N4BP2L2: variants seen among roughly 807,000 people sequenced by gnomAD.
N4BP2L2 encodes NEDD4-binding protein 2-like 2.
A neutral mutation model predicts 56.2 loss-of-function variants in N4BP2L2; 50 were observed. The observed-to-expected ratio is 0.89, with a 90% CI of 0.71 to 1.13. N4BP2L2 has a LOEUF of 1.13. Ranked by LOEUF, N4BP2L2 falls within the 50% of genes most tolerant of loss-of-function variation. The pLI is 0.00. For missense variants in N4BP2L2, 689 were observed against 693.8 expected (o/e 0.99, Z 0.08); for synonymous variants, 203 against 223.6 (o/e 0.91, Z 0.82).
At chr13:32,487,804 T>C (rs2086214986) in intron 6 of N4BP2L2, among the ~76,000 whole-genome samples, 1 of 152,212 alleles carries the variant, frequency 6.6e-6, no homozygotes, top group South Asian at 2.1e-4. Context: ...TTGTGAGCAT[T>C]TTTACAAGCT....
intron 5 of N4BP2L2, among the ~76,000 whole-genome samples, chr13:32,518,638 G>A (rs755433011): frequency 1.3e-5 from 2 of 151,938 alleles, no homozygotes; most frequent in African/African-American, 2.4e-5. Flanking sequence ...TAAGGCCAAA[G>A]ATATTATGGC....
intron 1 of N4BP2L2, among the ~76,000 whole-genome samples, chr13:32,538,047 G>T (rs2057003646): frequency 7.2e-6 from 1 of 138,956 alleles, no homozygotes; most frequent in Admixed American, 7.2e-5. Flanking sequence ...ACTCCGCCTG[G>T]GCGACAGAGG....
intron 9 of N4BP2L2, among the ~76,000 whole-genome samples, chr13:32,434,865 G>T (rs766061949): frequency 6.6e-6 from 1 of 152,194 alleles, no homozygotes; most frequent in Non-Finnish European, 1.5e-5. Context: ...TCTGTGAGAA[G>T]ACCCGACAGT....
chr13:32,528,891 C>T (rs1038831992), intron 2 of N4BP2L2, among the ~76,000 whole-genome samples: 22 of 152,266 alleles, frequency 1.4e-4, no homozygotes, highest in African/African-American at 4.8e-4. Context: ...CCTCAATATC[C>T]ATGGGAGATT....
chr13:32,509,310 T>C (rs561096228), downstream of N4BP2L2: 1 of 152,344 alleles, frequency 6.6e-6, no homozygotes, highest in East Asian at 1.9e-4. Context: ...GCTCAATCAG[T>C]AGGTATTCTG....
intron 7 of N4BP2L2, among the ~76,000 whole-genome samples, chr13:32,441,632 C>T (rs1307517449): frequency 1.3e-5 from 2 of 150,092 alleles, no homozygotes; most frequent in East Asian, 2.0e-4. Context: ...TGCAGTGAGC[C>T]GAGATCACAC....
At chr13:32,459,310 CA>C (rs2079561766) in intron 6 of N4BP2L2, among the ~76,000 whole-genome samples, 2 of 151,162 alleles carry the variant, frequency 1.3e-5, no homozygotes, top group East Asian at 3.9e-4. Flanking sequence ...AAACAGAGAT[CA>C]AAAAAAGACA....
Position 32,527,453 on chromosome 13 carries a change from T to TA in N4BP2L2, c.1338dup (p.Asn447Ter). 1 of 1,614,036 alleles carries TA rather than the reference T, an allele frequency of 6.2e-7. No individual in the cohort carries two copies. The highest frequency in any genetic ancestry group is 8.5e-7 in the Non-Finnish European group (1 of 1,179,980). On this transcript the variant is annotated frameshift_variant, in exon 3 of 6. Coordinates refer to ENST00000267068, the Ensembl canonical transcript of N4BP2L2. LOFTEE classifies it high-confidence loss of function. ...TGGGCATCACCAAGTTGATTAACAT[T>TA]ATACCTGTACCCATCTTGATGGTGA...
intron 6 of N4BP2L2, among the ~76,000 whole-genome samples, chr13:32,456,118 C>T (rs1367244374): frequency 6.6e-6 from 1 of 152,152 alleles, no homozygotes; most frequent in African/African-American, 2.4e-5. Flanking sequence ...ATATGCCACC[C>T]AGAGGCCCAA....
At chr13:32,461,307 A>G (rs1190856811) in intron 6 of N4BP2L2, among the ~76,000 whole-genome samples, 1 of 152,200 alleles carries the variant, frequency 6.6e-6, no homozygotes, top group Non-Finnish European at 1.5e-5. Flanking sequence ...CAATGGAAAC[A>G]ATCAACAGGA....
intron 6 of N4BP2L2, among the ~76,000 whole-genome samples, chr13:32,458,798 A>G (rs1007489975): frequency 2.0e-5 from 3 of 152,206 alleles, no homozygotes; most frequent in African/African-American, 7.2e-5. Flanking sequence ...GACCTAACAG[A>G]TATCTACAGA....
exon 6 of N4BP2L2, chr13:32,511,571 C>T (rs2048139171): frequency 6.6e-6 from 1 of 152,166 alleles, no homozygotes; most frequent in Non-Finnish European, 1.5e-5. Context: ...TATCTAAATT[C>T]TACCTAACCC....
In N4BP2L2 at chr13:32,448,874, T is replaced by C. The variant is rs2077431846; in HGVS notation, c.366-4748A>G. Among the ~76,000 whole-genome samples, 5 of 152,230 alleles carry C rather than the reference T, an allele frequency of 3.3e-5. No individual in the cohort carries two copies. The South Asian group carries it at 1.0e-3, about 32-fold the overall frequency. On this transcript the variant is annotated intron_variant, in intron 6 of 9. Coordinates refer to the N4BP2L2 transcript ENST00000357505. ...TTCTGGAATGACCAGTTGAAATAACTGAGGCCCAGGTCCTGGTCCTGGCTC... is the reference window on the plus strand; with the variant it reads ...TTCTGGAATGACCAGTTGAAATAACCGAGGCCCAGGTCCTGGTCCTGGCTC...
exon 6 of N4BP2L2, chr13:32,511,401 A>AT (rs370602593): frequency 3.3e-4 from 51 of 152,336 alleles, no homozygotes; most frequent in African/African-American, 1.2e-3. Flanking sequence ...GTAACAGTGA[A>AT]TTTCAACCTA....
exon 7 of N4BP2L2, chr13:32,443,775 A>C: frequency 6.3e-7 from 1 of 1,579,766 alleles, no homozygotes; most frequent in South Asian, 1.2e-5. Context: ...CACCTTCCTT[A>C]GAGAGGTAAT....
intron 6 of N4BP2L2, among the ~76,000 whole-genome samples, chr13:32,473,451 A>G (rs2082694774): frequency 1.3e-5 from 2 of 152,236 alleles, no homozygotes; most frequent in Admixed American, 1.3e-4. Context: ...AAATAAAGCT[A>G]TAAAAAACAG....
chr13:32,474,455 C>T (rs759099931), intron 6 of N4BP2L2, among the ~76,000 whole-genome samples: 2 of 151,324 alleles, frequency 1.3e-5, no homozygotes, highest in Admixed American at 6.6e-5. Flanking sequence ...TTTGGGAGGC[C>T]GAGGTGGGCG....
chr13:32,482,401 G>A (rs1279977447), intron 6 of N4BP2L2, among the ~76,000 whole-genome samples: 10 of 152,228 alleles, frequency 6.6e-5, no homozygotes, highest in Non-Finnish European at 1.2e-4. Context: ...TCACTTTGTC[G>A]CCCAAGCTGG....
chr13:32,509,136 C>A (rs2091394444), downstream of N4BP2L2: 1 of 152,084 alleles, frequency 6.6e-6, no homozygotes. Flanking sequence ...CTTTCCCCAG[C>A]AAGTATCAAA....
Sources: gnomAD v4.1 joint callset for allele counts (sites outside exome capture counted in the v4.1 genomes callset) on GRCh38, gnomAD v4.1.1 for gene constraint, MANE v1.5 for transcripts, NCBI Gene and HGNC (gene_info 2026-07-23, HGNC 2026-07-21) for gene names.